The following C2CD3 variants were observed in gnomAD, a reference collection of about 807,000 sequenced individuals.
The protein encoded by C2CD3 is C2 domain-containing protein 3.
In C2CD3, 148 loss-of-function variants were observed where a neutral mutation model predicts 234.0. That is an observed-to-expected ratio of 0.63 (90% CI 0.55 to 0.72). C2CD3 has a LOEUF of 0.72. Ranked by LOEUF, C2CD3 falls within the 30% of genes least tolerant of loss-of-function variation. The probability of loss-of-function intolerance (pLI) is 0.00; values close to 1 mark genes in which losing one functional copy is unlikely to be tolerated. For synonymous variants in C2CD3, 1,000 were observed against 1,035.4 expected (o/e 0.97, Z 0.66); for missense variants, 2,577 against 2,811.5 (o/e 0.92, Z 1.89).
intron 7 of C2CD3, among the ~76,000 whole-genome samples, chr11:74,132,282 A>G (rs1957702568): frequency 6.6e-6 from 1 of 152,036 alleles, no homozygotes; most frequent in Non-Finnish European, 1.5e-5. Context: ...ACCCAGGAGG[A>G]GGAGGTTGCA....
In C2CD3 at chr11:74,103,390, A is replaced by G; in HGVS notation, c.2321T>C (p.Val774Ala). The G allele has an allele frequency of 6.2e-7, 1 of 1,614,210 alleles. No individual in the cohort carries two copies. Among genetic ancestry groups the G allele is most frequent in the Non-Finnish European group, 8.5e-7 (1 of 1,180,038 alleles). ...VLPNRKSPSP[V>A]APHPSTFVAT... ...TACGAAGGTTGAAGGATGTGGTGCT[A>G]CAGGGCTTGGTGACTTTCGGTTGGG... The change falls in exon 14 of 33, where the codon GTA (valine) becomes GCA (alanine). Residue 774 changes from valine to alanine, a missense_variant. Val to Ala is a moderately conservative substitution (Grantham distance 64). Transcript: ENST00000334126.
chr11:74,121,435 T>C (rs1225237821), intron 8 of C2CD3, among the ~76,000 whole-genome samples: 1 of 151,388 alleles, frequency 6.6e-6, no homozygotes, highest in Non-Finnish European at 1.5e-5. Context: ...GGTGAAGGCC[T>C]GTCTCTAATA....
In C2CD3 at chr11:74,098,262, G is replaced by A; in HGVS notation, c.2733-7C>T. The stretch of plus-strand genomic sequence containing the variant: ...GCGAGAAATCTTAGCATCTCTAGAG[G>A]GGGAGAAATTGTGAATAAGCAAATA... On this transcript the variant is annotated splice_region_variant and splice_polypyrimidine_tract_variant and intron_variant, in intron 15 of 32. Transcript: ENST00000334126. 1 of 1,611,886 alleles carries A rather than the reference G, an allele frequency of 6.2e-7. No individual in the cohort carries two copies. Among genetic ancestry groups the A allele is most frequent in the Non-Finnish European group, 8.5e-7 (1 of 1,178,478 alleles).
In C2CD3 at chr11:74,133,418, A is replaced by G. The variant is rs866862963; in HGVS notation, c.1088+7T>C. 5.6e-6 allele frequency: 9 copies of G among 1,612,918 alleles called. No homozygotes were observed. The Middle Eastern group carries it at 1.3e-3, about 237-fold the overall frequency. On this transcript the variant is annotated splice_region_variant and intron_variant, in intron 6 of 32. Transcript: ENST00000334126. ...ACTGTTAAGGTTCTGTCTATCCTGT[A>G]ACTTACTGTGTTGATGCTCTAAGAG...
At chr11:74,099,794 A>G (rs1956244281) in intron 15 of C2CD3, among the ~76,000 whole-genome samples, 1 of 151,730 alleles carries the variant, frequency 6.6e-6, no homozygotes, top group Admixed American at 6.6e-5. Context: ...TACTTGGGAG[A>G]CTGAGGCAGA....
chr11:74,037,824 ACT>A, intron 29 of C2CD3, 126 bp from the exon 30 acceptor site: 1 of 701,250 alleles, frequency 1.4e-6, no homozygotes, highest in Non-Finnish European at 2.5e-6. Flanking sequence ...CTATTAATAT[ACT>A]AAGTCCCTCT....
At position 74,170,823 on chromosome 11, in the gene C2CD3, A is replaced by T. The variant is rs746731544; in HGVS notation, c.-31T>A. 5.6e-6 allele frequency: 9 copies of T among 1,613,590 alleles called. 1 individual carries two copies. The South Asian group carries it at 9.9e-5, about 18-fold the overall frequency. On this transcript the variant is annotated 5_prime_UTR_variant, in exon 1 of 33. In the 5' UTR this introduces an upstream ATG that the reference lacks. Coordinates refer to ENST00000334126, the MANE Select transcript of C2CD3 (RefSeq NM_001286577.2). ...GCCCGAGCTCTTCTTCACCAGCTCAACTCCGTCTCCAGCACCTAAGCAGTA... is the reference window on the plus strand; with the variant it reads ...GCCCGAGCTCTTCTTCACCAGCTCATCTCCGTCTCCAGCACCTAAGCAGTA...
In C2CD3 at chr11:74,093,887, C is replaced by G; in HGVS notation, c.3273G>C (p.Arg1091Ser). Residue 1091 changes from arginine (R) to serine (S), a missense_variant, in exon 18 of 33, where the codon AGG becomes AGC. By Grantham distance (110) the Arg-to-Ser change is moderately radical. Coordinates refer to ENST00000334126, the MANE Select transcript of C2CD3 (RefSeq NM_001286577.2). ...GTGCAGAGAAAGCACTTAGTAGGAG[C>G]CTTTGCACTGGAACCTCAGCTGGCA... is the stretch of plus-strand genomic sequence containing the variant. ...LLLPAEVPVQ[R>S]LLLSAFSAQG... is the part of the protein sequence containing the mutation. 1 of 1,614,046 alleles carries G rather than the reference C, an allele frequency of 6.2e-7. No homozygotes were observed.
At chr11:74,030,028 T>A (rs1952461031) in intron 31 of C2CD3, among the ~76,000 whole-genome samples, 1 of 152,202 alleles carries the variant, frequency 6.6e-6, no homozygotes, top group Non-Finnish European at 1.5e-5. Context: ...AATGCTGGGA[T>A]TACAGGTGTG....
chr11:74,123,178 T>C (rs960898859), intron 7 of C2CD3, 43 bp from the exon 8 acceptor site: 5 of 1,485,238 alleles, frequency 3.4e-6, no homozygotes, highest in Admixed American at 3.5e-5. Context: ...TTAATAGAAG[T>C]TTCAGCTGAA....
chr11:74,062,785 T>C (rs1954308175), intron 24 of C2CD3, among the ~76,000 whole-genome samples: 1 of 150,752 alleles, frequency 6.6e-6, no homozygotes, highest in Non-Finnish European at 1.5e-5. Context: ...AGAGCAGAAT[T>C]GAAGGAGATA....
At chr11:74,036,880 A>G (rs1190389533) in intron 30 of C2CD3, among the ~76,000 whole-genome samples, 1 of 152,218 alleles carries the variant, frequency 6.6e-6, no homozygotes, top group East Asian at 1.9e-4. Flanking sequence ...TCCACCTCAG[A>G]GATTCTGTTG....
chr11:74,077,936 G>A (rs1955146919), intron 23 of C2CD3, among the ~76,000 whole-genome samples, 179 bp downstream of exon 23: 1 of 149,602 alleles, frequency 6.7e-6, no homozygotes, highest in Non-Finnish European at 1.5e-5. Flanking sequence ...CTGTGACCCT[G>A]GGCAGGTAAC....
chr11:74,166,035 G>A (rs1213721864), intron 2 of C2CD3, among the ~76,000 whole-genome samples: 1 of 152,040 alleles, frequency 6.6e-6, no homozygotes, highest in African/African-American at 2.4e-5. Flanking sequence ...TGTCGGCCGG[G>A]TGCGGTGGCT....
rs576727949 is a variant in C2CD3 at position 74,063,899 on chromosome 11, T to A, written c.4952-6355A>T. 1.6e-3 allele frequency among the ~76,000 whole-genome samples: 237 copies of A among 152,330 alleles called. 1 individual carries two copies. The highest frequency in any genetic ancestry group is 7.7e-4 in the East Asian group (4 of 5,186). The stretch of plus-strand genomic sequence containing the variant: ...GTCTCAGCCCAAAATCTCTCTTTTT[T>A]AAATTTTATTATTATTATACTTTAA... On this transcript the variant is annotated intron_variant, in intron 24 of 32. Transcript: ENST00000334126.
intron 24 of C2CD3, among the ~76,000 whole-genome samples, chr11:74,059,593 TCA>T (rs538349749): frequency 5.3e-5 from 8 of 151,998 alleles, no homozygotes; most frequent in Non-Finnish European, 1.2e-4. Flanking sequence ...ATGAACAAAT[TCA>T]CACTCAGGAA....
At chr11:74,138,081 G>C (rs911925392) in intron 5 of C2CD3, among the ~76,000 whole-genome samples, 1 of 152,158 alleles carries the variant, frequency 6.6e-6, no homozygotes, top group Non-Finnish European at 1.5e-5. Flanking sequence ...TTCCTGTTAT[G>C]ATCTTGAGGT....
At chr11:74,083,121 C>T (rs1425982409) in intron 22 of C2CD3, among the ~76,000 whole-genome samples, 2 of 152,020 alleles carry the variant, frequency 1.3e-5, no homozygotes, top group East Asian at 3.9e-4. Context: ...AGAACAGAGG[C>T]CTCAGAAATA....
At position 74,136,036 on chromosome 11, in the gene C2CD3, G is replaced by A. The variant is rs1163452915; in HGVS notation, c.956-2479C>T. On this transcript the variant is annotated intron_variant, in intron 5 of 32. Transcript: ENST00000334126. Reference sequence around the variant, plus strand: ...GCTATGCTCAGTACCTGGGTGATAGGATCATTCATACCCCAATTCTCAGCA... The same window carrying A: ...GCTATGCTCAGTACCTGGGTGATAGAATCATTCATACCCCAATTCTCAGCA... 4.0e-5 allele frequency among the ~76,000 whole-genome samples: 6 copies of A among 151,238 alleles called. No individual in the cohort carries two copies. In the East Asian group the frequency reaches 1.2e-3, roughly 29 times the overall value.
Sources: allele counts gnomAD v4.1 joint callset (sites outside exome capture counted in the v4.1 genomes callset), GRCh38; gene constraint gnomAD v4.1.1; transcripts MANE v1.5; gene names NCBI Gene and HGNC (gene_info 2026-07-23, HGNC 2026-07-21).